CRYZL1: variants seen among roughly 807,000 people sequenced by gnomAD.
The protein encoded by CRYZL1 is ferry endosomal RAB5 effector complex subunit 4.
CRYZL1 carries 34 observed loss-of-function variants against 50.6 expected under a neutral mutation model. That is an observed-to-expected ratio of 0.67 (90% CI 0.51 to 0.89). The LOEUF is 0.89. CRYZL1 is among the 40% of genes least tolerant of loss of function. The pLI is 0.00. For missense variants in CRYZL1, 354 were observed against 402.3 expected (o/e 0.88, Z 1.03); for synonymous variants, 125 against 134.3 (o/e 0.93, Z 0.48).
intron 1 of CRYZL1, among the ~76,000 whole-genome samples, chr21:33,632,250 T>G (rs1031474770): frequency 6.6e-6 from 1 of 151,646 alleles, no homozygotes; most frequent in Non-Finnish European, 1.5e-5. Flanking sequence ...GAGAACCGCT[T>G]AAACCTGGGA....
chr21:33,629,066 CA>C (rs34593721), intron 2 of CRYZL1, among the ~76,000 whole-genome samples: 113,682 of 144,900 alleles, frequency 0.78, 44,584 homozygotes, highest in African/African-American at 0.9. Flanking sequence ...CTGCCTCTAC[CA>C]AAAAAAAAAA....
At chr21:33,622,167 G>A in intron 3 of CRYZL1, 99 bp from the exon 4 acceptor site, 2 of 902,548 alleles carry the variant, frequency 2.2e-6, no homozygotes, top group South Asian at 3.1e-5. Context: ...ATCACAGAAA[G>A]AGCAAATATG....
intron 3 of CRYZL1, among the ~76,000 whole-genome samples, chr21:33,623,059 A>G (rs2087020797): frequency 6.7e-6 from 1 of 149,850 alleles, no homozygotes; most frequent in Non-Finnish European, 1.5e-5. Context: ...TCCGCCTCCC[A>G]GGTTCAAGCG....
At chr21:33,593,348 C>T (rs981059510) in intron 11 of CRYZL1, among the ~76,000 whole-genome samples, 2 of 152,006 alleles carry the variant, frequency 1.3e-5, no homozygotes, top group Non-Finnish European at 2.9e-5. Context: ...CCTCGTGATC[C>T]GCCCACCTTG....
chr21:33,628,259 C>A (rs180702869), intron 2 of CRYZL1, among the ~76,000 whole-genome samples: 8 of 152,250 alleles, frequency 5.3e-5, no homozygotes, highest in African/African-American at 1.9e-4. Flanking sequence ...ATGCCTCCAG[C>A]TTTATTCTTT....
chr21:33,598,296 A>G (rs2086716119), intron 9 of CRYZL1, among the ~76,000 whole-genome samples: 1 of 152,222 alleles, frequency 6.6e-6, no homozygotes. Flanking sequence ...GATTTTCCTG[A>G]GCTATTTTCA....
intron 11 of CRYZL1, among the ~76,000 whole-genome samples, chr21:33,593,045 C>G (rs1030600833): frequency 2.7e-5 from 4 of 145,700 alleles, no homozygotes; most frequent in East Asian, 2.0e-4. Context: ...GAGCGAGACT[C>G]TATCTCAAAA....
intron 8 of CRYZL1, 185 bp from the exon 9 acceptor site, chr21:33,599,433 T>C (rs1276045854): frequency 1.3e-6 from 1 of 762,156 alleles, no homozygotes; most frequent in Non-Finnish European, 2.2e-6. Flanking sequence ...TCTAACCCAA[T>C]ATGGGATATA....
rs572077809 is a variant in CRYZL1, at chr21:33,595,610, A to G, written c.904+121T>C. ...AATGAATACTTGCAAGGCACTTGGA[A>G]TACTGTTTGGAATACTTAAGGAAAC... On this transcript the variant is annotated intron_variant, in intron 11 of 12. Coordinates refer to ENST00000381554, the MANE Select transcript of CRYZL1 (RefSeq NM_145858.3). The G allele has an allele frequency of 2.8e-5, 41 of 1,480,004 alleles. No individual in the cohort carries two copies. In the African/African-American group the frequency reaches 4.2e-4, roughly 15 times the overall value. The allele number at this position is 1,480,004 out of a possible 1,614,324, so 91.7% of individuals were successfully genotyped here.
intron 9 of CRYZL1, among the ~76,000 whole-genome samples, chr21:33,598,254 T>A (rs2086715756): frequency 6.6e-6 from 1 of 152,166 alleles, no homozygotes; most frequent in Non-Finnish European, 1.5e-5. Context: ...GAAAAAATGA[T>A]GCAATAAAGT....
At chr21:33,595,497 G>GT (rs1406116241) in intron 11 of CRYZL1, 1 of 1,291,734 alleles carries the variant, frequency 7.7e-7, no homozygotes, top group Non-Finnish European at 1.1e-6. Context: ...CCTTGAGTCT[G>GT]TATCAACATC....
chr21:33,597,406 C>A lies in CRYZL1; in HGVS notation c.677-5G>T. Reference sequence around the variant, plus strand: ...CATCTTTACTATATAATCTCACTTGCAAGGGAATAGTTTTAAAAAAAGAGA... The same window carrying A: ...CATCTTTACTATATAATCTCACTTGAAAGGGAATAGTTTTAAAAAAAGAGA... On this transcript the variant is annotated splice_polypyrimidine_tract_variant and splice_region_variant and intron_variant, in intron 9 of 12. Transcript: ENST00000381554. 1.3e-6 allele frequency: 2 copies of A among 1,559,622 alleles called. No individual in the cohort carries two copies. Among genetic ancestry groups the A allele is most frequent in the South Asian group, 1.1e-5 (1 of 88,246 alleles).
rs146157900 is a variant in CRYZL1, at chr21:33,604,999, T to A, written c.332-1462A>T. ...CTTGTCAACTTGTGGAATGATCACATTTATATATTTTTACCAATTATGTAG... is the reference window on the plus strand; with the variant it reads ...CTTGTCAACTTGTGGAATGATCACAATTATATATTTTTACCAATTATGTAG... On this transcript the variant is annotated intron_variant, in intron 6 of 12. Coordinates refer to ENST00000381554, the MANE Select transcript of CRYZL1 (RefSeq NM_145858.3). 1.3e-4 allele frequency among the ~76,000 whole-genome samples: 20 copies of A among 152,286 alleles called. No individual in the cohort carries two copies. In the East Asian group the frequency reaches 3.7e-3, roughly 28 times the overall value.
chr21:33,615,678 A>G (rs973694252), intron 5 of CRYZL1, among the ~76,000 whole-genome samples: 5 of 152,180 alleles, frequency 3.3e-5, no homozygotes, highest in South Asian at 2.1e-4. Flanking sequence ...AAAAACAATA[A>G]AAGTTTTAAG....
chr21:33,629,561 C>T (rs892241360), intron 2 of CRYZL1, among the ~76,000 whole-genome samples: 1 of 152,234 alleles, frequency 6.6e-6, no homozygotes, highest in Non-Finnish European at 1.5e-5. Context: ...CCATGCCCAG[C>T]CTCCTACTGA....
chr21:33,616,763 G>T lies in CRYZL1; in HGVS notation c.218-13C>A, dbSNP rs1235493665. On this transcript the variant is annotated splice_polypyrimidine_tract_variant and intron_variant, in intron 4 of 12. Coordinates refer to ENST00000381554, the MANE Select transcript of CRYZL1 (RefSeq NM_145858.3). ...ACCTTGCTTCCAACTAAAGAGTGAA[G>T]AAAATTAATAGTTAATATTACAAGT... The T allele has an allele frequency of 9.5e-6, 15 of 1,583,392 alleles. No individual in the cohort carries two copies. The highest frequency in any genetic ancestry group is 1.3e-5 in the Non-Finnish European group (15 of 1,162,006).
At chr21:33,630,318 G>C (rs145303478) in intron 2 of CRYZL1, among the ~76,000 whole-genome samples, 1 of 152,342 alleles carries the variant, frequency 6.6e-6, no homozygotes, top group African/African-American at 2.4e-5. Context: ...GGGCGCAGTG[G>C]CTCATGCCTA....
At chr21:33,596,535 G>A (rs1833623437) in intron 10 of CRYZL1, among the ~76,000 whole-genome samples, 1 of 152,090 alleles carries the variant, frequency 6.6e-6, no homozygotes, top group African/African-American at 2.4e-5. Flanking sequence ...CTACTCAGGA[G>A]GCTGAGGCAG....
At position 33,624,664 on chromosome 21, in the gene CRYZL1, A is replaced by G. The variant is rs149006249; in HGVS notation, c.144+19T>C. The G allele has an allele frequency of 2.1e-5, 33 of 1,605,734 alleles. No homozygotes were observed. The East Asian group carries it at 5.7e-4, about 28-fold the overall frequency. The stretch of plus-strand genomic sequence containing the variant: ...AGAAACTCTCATTTTACTTTGTGCC[A>G]TAATAAAAGAACCAATACCTTTGTA... On this transcript the variant is annotated intron_variant, in intron 3 of 12. Coordinates refer to ENST00000381554, the MANE Select transcript of CRYZL1 (RefSeq NM_145858.3).
Sources: allele counts gnomAD v4.1 joint callset (sites outside exome capture counted in the v4.1 genomes callset), GRCh38; gene constraint gnomAD v4.1.1; transcripts MANE v1.5; gene names NCBI Gene and HGNC (gene_info 2026-07-23, HGNC 2026-07-21).